Variants in PARVG observed in about 807,000 individuals in gnomAD.
The protein encoded by PARVG is parvin gamma.
In PARVG, 36 loss-of-function variants were observed where a neutral mutation model predicts 44.4. The observed-to-expected ratio is 0.81, with a 90% CI of 0.62 to 1.07. The LOEUF (loss-of-function observed/expected upper bound fraction) is 1.07. Among genes scored for constraint, PARVG ranks in the 50% least tolerant of loss-of-function variants. The probability of loss-of-function intolerance (pLI) is 0.00; values close to 1 mark genes in which losing one functional copy is unlikely to be tolerated. For synonymous variants in PARVG, 170 were observed against 174.1 expected (o/e 0.98, Z 0.19); for missense variants, 407 against 407.4 (o/e 1.00, Z 0.01).
intron 3 of PARVG, chr22:44,184,057 T>C (rs2054427067): frequency 1.3e-5 from 2 of 155,996 alleles, no homozygotes; most frequent in Admixed American, 6.5e-5. Context: ...GCGGCCACAG[T>C]TCCTGCAACC....
rs748036964 is a variant in PARVG at position 44,198,644 on chromosome 22, C to T, written c.735C>T (p.Leu245=). 7.4e-6 allele frequency: 12 copies of T among 1,613,694 alleles called. No individual in the cohort carries two copies. The South Asian group carries it at 1.3e-4, about 18-fold the overall frequency. Residue 245 remains leucine (L), a synonymous_variant, in exon 12 of 14, where the codon CTC becomes CTT. Transcript: ENST00000444313. The stretch of plus-strand genomic sequence containing the variant: ...AGTTTGCAGATGGGGTCATCTTACT[C>T]TTGCTGATTGGACAACTTGAAGGCT... The part of the protein sequence containing the change: ...DTQFADGVIL[L]LLIGQLEGFF...
chr22:44,189,632 C>A (rs1466190689), intron 6 of PARVG, among the ~76,000 whole-genome samples: 1 of 152,156 alleles, frequency 6.6e-6, no homozygotes, highest in Non-Finnish European at 1.5e-5. Context: ...AATGAGTGTG[C>A]CTGGTCGGGT....
intron 1 of PARVG, chr22:44,181,388 G>A: frequency 3.0e-6 from 3 of 985,524 alleles, no homozygotes; most frequent in South Asian, 9.4e-5. Context: ...TCTCCTGCGT[G>A]GTCCCGGGAG....
chr22:44,183,665 GC>G (rs1281846833), intron 3 of PARVG: 9 of 449,010 alleles, frequency 2.0e-5, no homozygotes, highest in African/African-American at 1.6e-4. Flanking sequence ...CATCCTGTGA[GC>G]CTTCTGAGTG....
In PARVG at chr22:44,188,184, CA is replaced by C; in HGVS notation, c.247+310del. ...GCTGTTTTGAGGTGCTGGGAGGTAA[CA>C]AAAGAACCCATGATCCCTGCCCTCG... is the stretch of plus-strand genomic sequence containing the variant. On this transcript the variant is annotated intron_variant, in intron 5 of 13. Transcript: ENST00000444313. 4.9e-6 allele frequency: 2 copies of C among 408,442 alleles called. 1 individual carries two copies. The highest frequency in any genetic ancestry group is 7.2e-5 in the Admixed American group (2 of 27,908). 25.3% of individuals were successfully genotyped at this position (408,442 alleles called of 1,614,324 possible).
At chr22:44,183,836 A>G in intron 3 of PARVG, 1 of 390,790 alleles carries the variant, frequency 2.6e-6, no homozygotes, top group East Asian at 3.6e-5. Flanking sequence ...TTCTGAGCCC[A>G]AGGAGGGTGG....
At chr22:44,189,008 C>A in intron 5 of PARVG, 106 bp from the exon 6 acceptor site, 1 of 1,476,080 alleles carries the variant, frequency 6.8e-7, no homozygotes, top group Admixed American at 1.8e-5. Flanking sequence ...CTCTCCAGAC[C>A]CATGTTCCCT....
chr22:44,173,234 C>G (rs1010448180), intron 1 of PARVG: 2 of 1,200,104 alleles, frequency 1.7e-6, no homozygotes, highest in Non-Finnish European at 2.1e-6. Flanking sequence ...TGGGTCCAGA[C>G]CATACGTGCA....
Position 44,205,766 on chromosome 22 carries a change from G to T in PARVG, c.823G>T (p.Val275Phe). 6.2e-7 allele frequency: 1 copy of T among 1,613,634 alleles called. No homozygotes were observed. Among genetic ancestry groups the T allele is most frequent in the Non-Finnish European group, 8.5e-7 (1 of 1,179,994 alleles). ...GGCCTTGTCATCATAGCTGCACAAC[G>T]TCACCCTGGCGCTGGAGCTGCTGAA... Reference protein sequence around the residue: ...PNSPAEMLHNVTLALELLKDE... With the variant: ...PNSPAEMLHNFTLALELLKDE... Residue 275 changes from valine (V) to phenylalanine (F), a missense_variant, in exon 13 of 14, where the codon GTC becomes TTC. Coordinates refer to ENST00000444313, the MANE Select transcript of PARVG (RefSeq NM_022141.7).
intron 3 of PARVG, chr22:44,185,083 T>G (rs2054444513): frequency 6.6e-6 from 1 of 152,304 alleles, no homozygotes; most frequent in Non-Finnish European, 1.5e-5. Flanking sequence ...TGCCCTGTGC[T>G]GGGCACAACA....
rs2054785413 is a variant in PARVG at position 44,206,593 on chromosome 22, T to C, written c.*167T>C. On this transcript the variant is annotated 3_prime_UTR_variant, in exon 14 of 14. Transcript: ENST00000444313. Reference sequence around the variant, plus strand: ...TGGATTATCTTTGAACCCCCTTGTGTGGATCATTTTGAGCCGCCTGGCCTT... The same window carrying C: ...TGGATTATCTTTGAACCCCCTTGTGCGGATCATTTTGAGCCGCCTGGCCTT... 7.8e-6 allele frequency: 5 copies of C among 642,184 alleles called. No individual in the cohort carries two copies. The Admixed American group carries it at 8.5e-5, about 11-fold the overall frequency. 39.8% of individuals were successfully genotyped at this position (642,184 alleles called of 1,614,324 possible).
chr22:44,187,948 C>T, intron 5 of PARVG, 70 bp downstream of exon 5: 1 of 1,465,150 alleles, frequency 6.8e-7, no homozygotes, highest in Non-Finnish European at 9.5e-7. Flanking sequence ...CCAGGGCCCA[C>T]AGGTAGGCTC....
At chr22:44,183,637 G>A (rs898017286) in intron 3 of PARVG, 6 of 495,904 alleles carry the variant, frequency 1.2e-5, no homozygotes, top group Non-Finnish European at 2.1e-5. Context: ...GATTACGATG[G>A]TGAATACTGA....
Position 44,183,620 on chromosome 22 carries a change from C to T in PARVG, c.79+212C>T, listed in dbSNP as rs16991623. The T allele has an allele frequency of 5.6e-4, 290 of 517,180 alleles. 1 individual carries two copies. Among genetic ancestry groups the T allele is most frequent in the African/African-American group, 4.7e-3 (236 of 50,262 alleles). The allele number at this position is 517,180 out of a possible 1,614,324, so 32.0% of individuals were successfully genotyped here. A position where few individuals can be genotyped will look rare whatever the true frequency, so the allele number is the denominator to read the frequency against. ...GAACCTCTTCTCTCCAGATGAGAGA[C>T]GGTGTGGATTACGATGGTGAATACT... On this transcript the variant is annotated intron_variant, in intron 3 of 13. Transcript: ENST00000444313.
chr22:44,205,949 T>C, intron 13 of PARVG, 120 bp downstream of exon 13: 1 of 1,198,334 alleles, frequency 8.3e-7, no homozygotes. Context: ...TCCTCTTGCC[T>C]GGCAGGGGTG....
At position 44,203,284 on chromosome 22, in the gene PARVG, G is replaced by A. The variant is rs568658365; in HGVS notation, c.814-2473G>A. On this transcript the variant is annotated intron_variant, in intron 12 of 13. Coordinates refer to ENST00000444313, the MANE Select transcript of PARVG (RefSeq NM_022141.7). ...TTTTAAATAAGTGAATGAACGAAGTGTTTCCAAAACATTGGTCCCAGGAGG... is the reference window on the plus strand; with the variant it reads ...TTTTAAATAAGTGAATGAACGAAGTATTTCCAAAACATTGGTCCCAGGAGG... Among the ~76,000 whole-genome samples, 64 of 152,300 alleles carry A rather than the reference G, an allele frequency of 4.2e-4. 1 individual carries two copies. The highest frequency in any genetic ancestry group is 1.5e-3 in the African/African-American group (62 of 41,560).
Position 44,205,846 on chromosome 22 carries a change from T to A in PARVG, c.886+17T>A, listed in dbSNP as rs1381768976. 6.2e-7 allele frequency: 1 copy of A among 1,611,520 alleles called. No homozygotes were observed. Among genetic ancestry groups the A allele is most frequent in the Admixed American group, 1.7e-5 (1 of 59,828 alleles). On this transcript the variant is annotated intron_variant, in intron 13 of 13. Transcript: ENST00000444313. The stretch of plus-strand genomic sequence containing the variant: ...GCCCTGAAGGTGAGTGCAAGGCAGA[T>A]GCCCACACGGTGGCCAGCCCTGGGT...
Position 44,183,304 on chromosome 22 carries a change from C to T in PARVG, c.-12-14C>T. 7.5e-6 allele frequency: 12 copies of T among 1,596,144 alleles called. No homozygotes were observed. The highest frequency in any genetic ancestry group is 9.4e-6 in the Non-Finnish European group (11 of 1,173,448). ...TCTCAGACCGTGACGCCCTCTCCTGCCTCCTCTGTGCAGGCTTGGGAGGCG... is the reference window on the plus strand; with the variant it reads ...TCTCAGACCGTGACGCCCTCTCCTGTCTCCTCTGTGCAGGCTTGGGAGGCG... On this transcript the variant is annotated splice_polypyrimidine_tract_variant and intron_variant, in intron 2 of 13. Coordinates refer to ENST00000444313, the MANE Select transcript of PARVG (RefSeq NM_022141.7).
Position 44,192,536 on chromosome 22 carries a change from G to A in PARVG, c.560+432G>A, listed in dbSNP as rs542044639. On this transcript the variant is annotated intron_variant, in intron 8 of 13. Coordinates refer to ENST00000444313, the MANE Select transcript of PARVG (RefSeq NM_022141.7). Reference sequence around the variant, plus strand: ...CCCCGCCCACTTTGGGGGTGTGGCTGTCTTACTCCCCACCCACTGGGGGGT... The same window carrying A: ...CCCCGCCCACTTTGGGGGTGTGGCTATCTTACTCCCCACCCACTGGGGGGT... Among the ~76,000 whole-genome samples the A allele has an allele frequency of 1.3e-4, 20 of 151,856 alleles. No homozygotes were observed. The South Asian group carries it at 2.5e-3, about 19-fold the overall frequency.
Sources: gnomAD v4.1 joint callset for allele counts (sites outside exome capture counted in the v4.1 genomes callset) on GRCh38, gnomAD v4.1.1 for gene constraint, MANE v1.5 for transcripts, NCBI Gene and HGNC (gene_info 2026-07-23, HGNC 2026-07-21) for gene names.